NBAS: variants seen among roughly 807,000 people sequenced by gnomAD.
The protein encoded by NBAS is NBAS subunit of NRZ tethering complex.
In NBAS, 219 loss-of-function variants were observed where a neutral mutation model predicts 302.5. The ratio of observed to expected loss-of-function variants is 0.72; its 90% CI spans 0.65 to 0.81. The LOEUF is 0.81. Among genes scored for constraint, NBAS ranks in the 30% least tolerant of loss-of-function variants. The pLI, the probability that NBAS is intolerant of heterozygous loss-of-function variation, is 0.00. For missense variants in NBAS, 2,932 were observed against 2,841.6 expected, an observed-to-expected ratio of 1.03 and a Z score of -0.72; for synonymous variants, 1,118 against 1,021.6, an observed-to-expected ratio of 1.09 and a Z score of -1.80.
chr2:14,841,156 T>C, the NBAS span, among the ~76,000 whole-genome samples: 7 of 151,970 alleles, frequency 4.6e-5, no homozygotes, highest in East Asian at 1.9e-4. Flanking sequence ...TTTTGAAAGA[T>C]TCATGATAAC....
chr2:15,391,480 T>C (rs1166275863), intron 28 of NBAS, among the ~76,000 whole-genome samples: 1 of 151,510 alleles, frequency 6.6e-6, no homozygotes, highest in Non-Finnish European at 1.5e-5. Context: ...ATAGAAATTA[T>C]CCAAAATGAA....
chr2:15,393,776 T>C (rs1158535377), intron 28 of NBAS: 2 of 467,528 alleles, frequency 4.3e-6, no homozygotes, highest in Admixed American at 4.8e-5. Context: ...CAAAAAGAAA[T>C]AAACTACTGA....
At chr2:15,525,097 C>T (rs993661416) in intron 9 of NBAS, among the ~76,000 whole-genome samples, 16 of 152,118 alleles carry the variant, frequency 1.1e-4, no homozygotes, top group Admixed American at 2.6e-4. Flanking sequence ...TTTAAATGAC[C>T]GTCCAGTTTC....
chr2:15,088,549 C>G, the NBAS span, among the ~76,000 whole-genome samples: 5 of 152,080 alleles, frequency 3.3e-5, no homozygotes, highest in Non-Finnish European at 7.4e-5. Context: ...TTCTCAGGGC[C>G]AGAGAGCATG....
rs1204144950 is a variant in NBAS, at chr2:15,294,654, T to A, written c.4798-1888A>T. On this transcript the variant is annotated intron_variant, in intron 40 of 51. Transcript: ENST00000281513. ...ACCTGCTCAGCACTCTGGTGTGCAC[T>A]GCCGTGGCCTGCTGCTCTTATGCCT... Among the ~76,000 whole-genome samples the A allele has an allele frequency of 2.0e-5, 3 of 152,214 alleles. No individual in the cohort carries two copies. The East Asian group carries it at 5.8e-4, about 29-fold the overall frequency.
At chr2:14,889,742 T>A in the NBAS span, among the ~76,000 whole-genome samples, 2 of 152,164 alleles carry the variant, frequency 1.3e-5, no homozygotes. Flanking sequence ...TTGACTATGG[T>A]ATATTGCCCT....
intron 28 of NBAS, among the ~76,000 whole-genome samples, chr2:15,392,135 TG>T (rs1675637958): frequency 6.6e-6 from 1 of 151,868 alleles, no homozygotes; most frequent in Non-Finnish European, 1.5e-5. Context: ...TGCATAAACA[TG>T]CAACACATTT....
chr2:15,364,015 T>C (rs1200009025), intron 32 of NBAS, among the ~76,000 whole-genome samples: 1 of 152,144 alleles, frequency 6.6e-6, no homozygotes, highest in African/African-American at 2.4e-5. Flanking sequence ...GAGTTCCATG[T>C]AGCAGGAAAC....
chr2:15,561,167 C>G, intron 1 of NBAS, 21 bp downstream of exon 1: 1 of 1,607,756 alleles, frequency 6.2e-7, no homozygotes, highest in Middle Eastern at 1.7e-4. Context: ...CTGGCTGCTG[C>G]TGTAGATGGG....
At chr2:14,904,329 C>A in the NBAS span, among the ~76,000 whole-genome samples, 1 of 152,168 alleles carries the variant, frequency 6.6e-6, no homozygotes, top group East Asian at 1.9e-4. Flanking sequence ...GTCGACAGTG[C>A]AGCCTTCAGT....
At chr2:14,937,146 T>A in the NBAS span, among the ~76,000 whole-genome samples, 1 of 152,106 alleles carries the variant, frequency 6.6e-6, no homozygotes, top group East Asian at 1.9e-4. Context: ...AGAGGGAGAC[T>A]TTGCTGGTCA....
At chr2:14,824,296 T>C in the NBAS span, among the ~76,000 whole-genome samples, 118 of 152,118 alleles carry the variant, frequency 7.8e-4, 1 homozygote, top group African/African-American at 2.0e-3. Context: ...TACAATTGAT[T>C]GAGAAGGAAG....
rs1448509289 is a variant in NBAS at position 15,469,665 on chromosome 2, G to C, written c.1726-1132C>G. 3.3e-5 allele frequency among the ~76,000 whole-genome samples: 5 copies of C among 152,016 alleles called. No individual in the cohort carries two copies. The East Asian group carries it at 7.7e-4, about 23-fold the overall frequency. On this transcript the variant is annotated intron_variant, in intron 16 of 51. Transcript: ENST00000281513. ...TGGAATACTATGCAGCCATAAAAAAGGATGAGTTCACATCCTGTATAGGGA... is the reference window on the plus strand; with the variant it reads ...TGGAATACTATGCAGCCATAAAAAACGATGAGTTCACATCCTGTATAGGGA...
At chr2:15,113,068 C>A in the NBAS span, among the ~76,000 whole-genome samples, 3 of 151,880 alleles carry the variant, frequency 2.0e-5, no homozygotes, top group African/African-American at 7.3e-5. Flanking sequence ...TTTAAAAAAA[C>A]CTGCTTTTAG....
At chr2:15,500,246 T>C (rs1661443470) in intron 11 of NBAS, among the ~76,000 whole-genome samples, 1 of 152,190 alleles carries the variant, frequency 6.6e-6, no homozygotes, top group South Asian at 2.1e-4. Flanking sequence ...AGTAGTTTTC[T>C]AGTGCATACA....
the NBAS span, among the ~76,000 whole-genome samples, chr2:15,036,446 A>G: frequency 6.6e-6 from 1 of 152,212 alleles, no homozygotes; most frequent in Non-Finnish European, 1.5e-5. Context: ...CTGCAAGGTT[A>G]GGTAAAGTCT....
the NBAS span, among the ~76,000 whole-genome samples, chr2:14,980,401 A>G: frequency 6.6e-6 from 1 of 152,182 alleles, no homozygotes; most frequent in Non-Finnish European, 1.5e-5. Context: ...AATAAGAGAC[A>G]GCCATTACCC....
chr2:15,132,849 C>T, the NBAS span, among the ~76,000 whole-genome samples: 1 of 141,870 alleles, frequency 7.0e-6, no homozygotes, highest in South Asian at 2.3e-4. Context: ...AAACTATATA[C>T]ACATACAAAC....
chr2:15,011,470 C>T, the NBAS span, among the ~76,000 whole-genome samples: 191 of 152,252 alleles, frequency 1.3e-3, 1 homozygote, highest in Admixed American at 5.7e-3. Context: ...TGTTTCAGAC[C>T]GGAGAAACAG....
Sources: allele counts gnomAD v4.1 joint callset (sites outside exome capture counted in the v4.1 genomes callset), GRCh38; gene constraint gnomAD v4.1.1; transcripts MANE v1.5; gene names NCBI Gene and HGNC (gene_info 2026-07-23, HGNC 2026-07-21).